Variants in GALNT6 observed in about 807,000 individuals in gnomAD.
GALNT6 encodes GalNAc transferase 6.
A neutral mutation model predicts 65.9 loss-of-function variants in GALNT6; 51 were observed. The observed-to-expected ratio is 0.77, with a 90% confidence interval of 0.62 to 0.98. The LOEUF (loss-of-function observed/expected upper bound fraction) is 0.98, where lower values mean the gene tolerates loss of function less well. GALNT6 is among the 50% of genes least tolerant of loss of function. The pLI, the probability that GALNT6 is intolerant of heterozygous loss-of-function variation, is 0.00. For synonymous variants in GALNT6, 323 were observed against 315.1 expected, an observed-to-expected ratio of 1.02 and a Z score of -0.26; for missense variants, 708 against 803.3, an observed-to-expected ratio of 0.88 and a Z score of 1.43.
chr12:51,353,206 A>C lies in GALNT6; in HGVS notation c.*1173T>G, dbSNP rs1946656464. ...CAGTTTTCGTATCTGTAAAATAGGC[A>C]CAGTGGTTTCTGTCCTGTCTTTCTC... On this transcript the variant is annotated 3_prime_UTR_variant, in exon 12 of 12. Coordinates refer to ENST00000356317, the MANE Select transcript of GALNT6 (RefSeq NM_007210.4). 1 of 152,152 alleles carries C rather than the reference A, an allele frequency of 6.6e-6. No individual in the cohort carries two copies. Among genetic ancestry groups the C allele is most frequent in the Non-Finnish European group, 1.5e-5 (1 of 68,042 alleles). The allele number at this position is 152,152 out of a possible 1,614,324, so 9.4% of individuals were successfully genotyped here.
Position 51,359,288 on chromosome 12 carries a change from G to A in GALNT6, c.1212C>T (p.Val404=), listed in dbSNP as rs1267838637. Residue 404 remains valine, a synonymous_variant, in exon 8 of 12, where the codon GTC becomes GTT. Transcript: ENST00000356317. ...GGQLEIIPCS[V]VGHVFRTKSP... The stretch of plus-strand genomic sequence containing the variant: ...TCTTGGTCCGGAACACATGGCCTAC[G>A]ACAGAGCAGGGGATGATCTCCAGCT... 16 of 1,613,786 alleles carry A rather than the reference G, an allele frequency of 9.9e-6. No individual in the cohort carries two copies. Among genetic ancestry groups the A allele is most frequent in the African/African-American group, 4.0e-5 (3 of 74,914 alleles).
intron 2 of GALNT6, among the ~76,000 whole-genome samples, chr12:51,385,913 C>A (rs1947824888): frequency 6.6e-6 from 1 of 152,104 alleles, no homozygotes; most frequent in South Asian, 2.1e-4. Context: ...CAGCTTTCTG[C>A]AGCCTCGACC....
intron 2 of GALNT6, among the ~76,000 whole-genome samples, chr12:51,381,095 C>T (rs990771837): frequency 3.9e-5 from 6 of 152,054 alleles, no homozygotes; most frequent in East Asian, 1.9e-4. Context: ...TAAAAATTAG[C>T]GAGGCGTAGT....
rs138889687 is a variant in GALNT6 at position 51,355,455 on chromosome 12, C to A, written c.1755+351G>T. 6.8e-4 allele frequency among the ~76,000 whole-genome samples: 104 copies of A among 152,122 alleles called. 2 individuals are homozygous for A. In the East Asian group the frequency reaches 0.019, roughly 27 times the overall value. On this transcript the variant is annotated intron_variant, in intron 11 of 11. Transcript: ENST00000356317. ...AGAAAATATAGAGGGGCCGATGTGG[C>A]CTCAAGTTCTCTTTTTATTTTTTAT...
chr12:51,357,868 C>T (rs1278272730), intron 9 of GALNT6, among the ~76,000 whole-genome samples: 1 of 152,138 alleles, frequency 6.6e-6, no homozygotes, highest in African/African-American at 2.4e-5. Flanking sequence ...GGGGATGGGC[C>T]CTAGCGTTTT....
intron 4 of GALNT6, among the ~76,000 whole-genome samples, chr12:51,369,198 C>G (rs560225246): frequency 6.6e-6 from 1 of 152,142 alleles, no homozygotes; most frequent in Non-Finnish European, 1.5e-5. Flanking sequence ...GAGCTGTGAA[C>G]CTCAGGGGGG....
At position 51,387,795 on chromosome 12, in the gene GALNT6, A is replaced by C. The variant is rs1668170202; in HGVS notation, c.-104+3055T>G. On this transcript the variant is annotated intron_variant, in intron 2 of 11. Transcript: ENST00000356317. This position sits in a 1 kb window ranked among gnomAD's most constrained non-coding sequence, Gnocchi z 4.2. ...TTGGGGGAAAGGACAGAGAAGGGAC[A>C]GGGAAGTGATGAGAAGGGTGGAAGA... Among the ~76,000 whole-genome samples, 1 of 152,118 alleles carries C rather than the reference A, an allele frequency of 6.6e-6. No individual in the cohort carries two copies. Among genetic ancestry groups the C allele is most frequent in the Non-Finnish European group, 1.5e-5 (1 of 68,014 alleles).
At chr12:51,363,998 T>C (rs1947008241) in intron 6 of GALNT6, 123 bp downstream of exon 6, 1 of 734,376 alleles carries the variant, frequency 1.4e-6, no homozygotes, top group Non-Finnish European at 2.5e-6. Flanking sequence ...GGAGTGAGGA[T>C]TAATCACAAT....
chr12:51,365,714 A>T, intron 4 of GALNT6, 135 bp from the exon 5 acceptor site: 1 of 746,222 alleles, frequency 1.3e-6, no homozygotes, highest in Non-Finnish European at 2.0e-6. Flanking sequence ...GTACTGAGCC[A>T]TTCCACAGAA....
intron 3 of GALNT6, 62 bp from the exon 4 acceptor site, chr12:51,377,429 G>T (rs1015666888): frequency 1.4e-6 from 2 of 1,470,000 alleles, no homozygotes; most frequent in Admixed American, 1.8e-5. Flanking sequence ...GTGTGGGGAG[G>T]GCCCCATCCA....
Position 51,379,855 on chromosome 12 carries a change from G to A in GALNT6, c.-74C>T, listed in dbSNP as rs573204531. On this transcript the variant is annotated 5_prime_UTR_variant, in exon 3 of 12. It adds an upstream start codon to the 5' untranslated region. Coordinates refer to ENST00000356317, the MANE Select transcript of GALNT6 (RefSeq NM_007210.4). Reference sequence around the variant, plus strand: ...CCCAACCCTGGAGATAGCTTGATACGTTGTGGTGGCCACAAGCTGGGGCCT... The same window carrying A: ...CCCAACCCTGGAGATAGCTTGATACATTGTGGTGGCCACAAGCTGGGGCCT... 8.2e-5 allele frequency: 117 copies of A among 1,427,360 alleles called. No homozygotes were observed. The East Asian group carries it at 1.6e-3, about 19-fold the overall frequency. The allele number at this position is 1,427,360 out of a possible 1,614,324, so 88.4% of individuals were successfully genotyped here. A position where few individuals can be genotyped will look rare whatever the true frequency, so the allele number is the denominator to read the frequency against.
At position 51,364,323 on chromosome 12, in the gene GALNT6, G is replaced by A. The variant is rs1947025876; in HGVS notation, c.847C>T (p.Leu283=). The change falls in exon 6 of 12, where the codon CTG becomes TTG. Residue 283 remains leucine (L), a synonymous_variant. Coordinates refer to ENST00000356317, the MANE Select transcript of GALNT6 (RefSeq NM_007210.4). ...ECFHGWLEPL[L]ARIAEDKTVV... is the part of the protein sequence containing the mutation. ...GTCTTGTCCTCAGCGATTCGAGCCA[G>A]GAGGGGCTCCAGCCAGCCGTGGAAG... 1.2e-6 allele frequency: 2 copies of A among 1,614,058 alleles called. No homozygotes were observed. The highest frequency in any genetic ancestry group is 2.7e-5 in the African/African-American group (2 of 74,926).
intron 8 of GALNT6, among the ~76,000 whole-genome samples, chr12:51,358,771 T>C (rs1946828425): frequency 6.6e-6 from 1 of 152,118 alleles, no homozygotes; most frequent in Admixed American, 6.5e-5. Context: ...GTCCCCTGCT[T>C]ATCGGTCCAT....
Position 51,365,418 on chromosome 12 carries a change from C to G in GALNT6, c.814+12G>C. The G allele has an allele frequency of 6.2e-7, 1 of 1,605,660 alleles. No homozygotes were observed. Among genetic ancestry groups the G allele is most frequent in the Non-Finnish European group, 8.5e-7 (1 of 1,175,540 alleles). On this transcript the variant is annotated intron_variant, in intron 5 of 11. Transcript: ENST00000356317. ...CTCCAGGTTACACCCAGGCCGGTGC[C>G]CTGGTACTCACAGTGGGCATCCAGG...
chr12:51,379,752 G>A lies in GALNT6; in HGVS notation c.30C>T (p.Pro10=). Residue 10 remains proline, a synonymous_variant, in exon 3 of 12, where the codon CCC becomes CCT. Coordinates refer to ENST00000356317, the MANE Select transcript of GALNT6 (RefSeq NM_007210.4). MRLLRRRHM[P]LRLAMVGCAF... The stretch of plus-strand genomic sequence containing the variant: ...CGCAGCCCACCATGGCCAGGCGCAG[G>A]GGCATGTGGCGTCTGCGGAGGAGCC... 1.9e-6 allele frequency: 3 copies of A among 1,610,866 alleles called. No homozygotes were observed. The highest frequency in any genetic ancestry group is 1.3e-5 in the African/African-American group (1 of 75,046).
rs367722877 is a variant in GALNT6 at position 51,379,588 on chromosome 12, C to T, written c.194G>A (p.Arg65Lys). 21 of 1,614,172 alleles carry T rather than the reference C, an allele frequency of 1.3e-5. No individual in the cohort carries two copies. Among genetic ancestry groups the T allele is most frequent in the South Asian group, 1.2e-4 (11 of 91,078 alleles). Reference protein sequence around the residue: ...DLMLEAMNNLRDSMPKLQIRA... With the variant: ...DLMLEAMNNLKDSMPKLQIRA... ...GATTTGGAGCTTGGGCATTGAATCT[C>T]TAAGGTTGTTCATGGCCTCCAGCAT... The change falls in exon 3 of 12, where the codon AGA (arginine) becomes AAA (lysine). Residue 65 changes from arginine (R) to lysine (K), a missense_variant. Coordinates refer to ENST00000356317, the MANE Select transcript of GALNT6 (RefSeq NM_007210.4).
intron 2 of GALNT6, among the ~76,000 whole-genome samples, chr12:51,380,542 T>C (rs773190574): frequency 5.3e-5 from 8 of 152,310 alleles, no homozygotes; most frequent in Non-Finnish European, 1.2e-4. Context: ...AAACAATATC[T>C]TGTTCTTGAA....
intron 10 of GALNT6, 104 bp from the exon 11 acceptor site, chr12:51,356,062 G>T: frequency 2.0e-6 from 2 of 998,170 alleles, no homozygotes; most frequent in Non-Finnish European, 3.1e-6. Flanking sequence ...GGAGGAGAGT[G>T]AATGTGAGGC....
intron 2 of GALNT6, among the ~76,000 whole-genome samples, chr12:51,384,493 A>G (rs1947765666): frequency 6.6e-6 from 1 of 152,032 alleles, no homozygotes. Flanking sequence ...GGAGTTCAAG[A>G]CCAACCTGGC....
Sources: allele counts gnomAD v4.1 joint callset (sites outside exome capture counted in the v4.1 genomes callset), GRCh38; gene constraint gnomAD v4.1.1; non-coding constraint Gnocchi (gnomAD v3.1); transcripts MANE v1.5; gene names NCBI Gene and HGNC (gene_info 2026-07-23, HGNC 2026-07-21).